ABHD17C: variants seen among roughly 807,000 people sequenced by gnomAD.
The protein encoded by ABHD17C is abhydrolase domain containing 17C, depalmitoylase, also known as alpha/beta hydrolase domain-containing protein 17C.
ABHD17C carries 11 observed loss-of-function variants against 27.9 expected under a neutral mutation model. The ratio of observed to expected loss-of-function variants is 0.39; its 90% confidence interval spans 0.25 to 0.65. The LOEUF is 0.65. Ranked by LOEUF, ABHD17C falls within the 30% of genes least tolerant of loss-of-function variation. The probability of loss-of-function intolerance (pLI) is 0.45; values close to 1 mark genes in which losing one functional copy is unlikely to be tolerated. For synonymous variants in ABHD17C, 233 were observed against 209.1 expected, an observed-to-expected ratio of 1.11 and a Z score of -0.98; for missense variants, 280 against 470.2, an observed-to-expected ratio of 0.60 and a Z score of 3.74.
intron 1 of ABHD17C, among the ~76,000 whole-genome samples, chr15:80,699,515 A>C (rs1254661841): frequency 6.6e-6 from 1 of 152,126 alleles, no homozygotes; most frequent in Admixed American, 6.5e-5. Flanking sequence ...TGTATTGAAG[A>C]GAAGAACAAT....
intron 1 of ABHD17C, among the ~76,000 whole-genome samples, chr15:80,734,446 CATT>C (rs1174251468): frequency 6.6e-6 from 1 of 152,118 alleles, no homozygotes; most frequent in South Asian, 2.1e-4. Flanking sequence ...AAAGAATCTC[CATT>C]ATTATTAGAA....
intron 1 of ABHD17C, among the ~76,000 whole-genome samples, chr15:80,716,466 A>G (rs980179817): frequency 3.0e-4 from 45 of 152,202 alleles, no homozygotes; most frequent in Non-Finnish European, 2.6e-4. Context: ...ACAAAGTAAG[A>G]AGTTCCCTTT....
At position 80,706,290 on chromosome 15, in the gene ABHD17C, T is replaced by C. The variant is rs972156492; in HGVS notation, c.590+10271T>C. Among the ~76,000 whole-genome samples, 3 of 152,242 alleles carry C rather than the reference T, an allele frequency of 2.0e-5. No homozygotes were observed. In the East Asian group the frequency reaches 5.8e-4, roughly 29 times the overall value. The stretch of plus-strand genomic sequence containing the variant: ...AGAGTGTTAAAGGACCATGGCTCCA[T>C]GGTGAAATTGGAAACCTCTGTTTTC... On this transcript the variant is annotated intron_variant, in intron 1 of 2. Coordinates refer to ENST00000258884, the MANE Select transcript of ABHD17C (RefSeq NM_021214.2).
Position 80,695,944 on chromosome 15 carries a change from G to A in ABHD17C, c.515G>A (p.Gly172Asp). 6.3e-7 allele frequency: 1 copy of A among 1,595,704 alleles called. No homozygotes were observed. ...NIFSYDYSGYGVSSGKPSEKN... is the reference protein window; with the variant it reads ...NIFSYDYSGYDVSSGKPSEKN... ...TTCTCCTACGACTACTCGGGATACG[G>A]CGTCAGCTCGGGCAAGCCCTCCGAG... Residue 172 changes from glycine to aspartate, a missense_variant, in exon 1 of 3, where the codon GGC becomes GAC. Physicochemically the swap from Gly to Asp is moderately conservative, Grantham distance 94. Around this residue, in one of 2 missense-constraint regions of ABHD17C, gnomAD observed 206 missense variants for 394.7 expected, o/e 0.52. Transcript: ENST00000258884. The surrounding 1 kb of genome is among the most constrained non-coding windows in gnomAD (Gnocchi z 4.3).
At chr15:80,703,475 C>T (rs1358627470) in intron 1 of ABHD17C, 2 of 152,206 alleles carry the variant, frequency 1.3e-5, no homozygotes, top group African/African-American at 4.8e-5. Context: ...TCTGGTAAGT[C>T]TGTGTTTTGT....
rs1385858926 is a variant in ABHD17C at position 80,714,751 on chromosome 15, C to G, written c.590+18732C>G. On this transcript the variant is annotated intron_variant, in intron 1 of 2. Transcript: ENST00000258884. ...CACGCACAAATCGGGAGCACCTGCT[C>G]TCATTTTTATGGAAAAGAATGCATG... 2.0e-5 allele frequency among the ~76,000 whole-genome samples: 3 copies of G among 152,158 alleles called. No homozygotes were observed. In the East Asian group the frequency reaches 5.8e-4, roughly 29 times the overall value.
At chr15:80,752,857 T>C (rs1440823100) in intron 2 of ABHD17C, among the ~76,000 whole-genome samples, 5 of 152,344 alleles carry the variant, frequency 3.3e-5, no homozygotes, top group African/African-American at 1.2e-4. Context: ...TTTGGATTCC[T>C]CTTTTGGATA....
intron 1 of ABHD17C, among the ~76,000 whole-genome samples, chr15:80,736,084 A>G (rs894929192): frequency 6.6e-6 from 1 of 152,236 alleles, no homozygotes; most frequent in African/African-American, 2.4e-5. Context: ...AAAAATTAGA[A>G]AAAGGAAAAA....
At chr15:80,744,189 T>G (rs1165573905) in intron 1 of ABHD17C, among the ~76,000 whole-genome samples, 1 of 152,120 alleles carries the variant, frequency 6.6e-6, no homozygotes, top group Non-Finnish European at 1.5e-5. Context: ...CCAATGTCAG[T>G]CAGTATTTAG....
intron 1 of ABHD17C, among the ~76,000 whole-genome samples, chr15:80,714,210 C>T (rs1458866759): frequency 1.3e-5 from 2 of 152,196 alleles, no homozygotes; most frequent in Non-Finnish European, 2.9e-5. Flanking sequence ...CTTACCTTGG[C>T]CTCCCAAAGT....
At chr15:80,706,833 G>C (rs897952483) in intron 1 of ABHD17C, among the ~76,000 whole-genome samples, 1 of 151,932 alleles carries the variant, frequency 6.6e-6, no homozygotes, top group Admixed American at 6.6e-5. Context: ...ATAACTCAAG[G>C]GTATTTCAGT....
In ABHD17C at chr15:80,714,333, A is replaced by G. The variant is rs184810696; in HGVS notation, c.590+18314A>G. Among the ~76,000 whole-genome samples the G allele has an allele frequency of 2.6e-3, 393 of 152,312 alleles. 2 individuals carry two copies. Among genetic ancestry groups the G allele is most frequent in the African/African-American group, 9.1e-3 (377 of 41,558 alleles). On this transcript the variant is annotated intron_variant, in intron 1 of 2. Coordinates refer to ENST00000258884, the MANE Select transcript of ABHD17C (RefSeq NM_021214.2). ...CCGGCATTCCTTGAACGTCTGTTTT[A>G]TGCTAAACACATTTCACACATTACA...
chr15:80,717,701 A>T (rs1306364260), intron 1 of ABHD17C, among the ~76,000 whole-genome samples: 1 of 152,220 alleles, frequency 6.6e-6, no homozygotes, highest in Admixed American at 6.5e-5. Context: ...ATGCATTTTA[A>T]CAGTGGTTTT....
rs559467838 is a variant in ABHD17C, at chr15:80,739,524, C to T, written c.591-9989C>T. On this transcript the variant is annotated intron_variant, in intron 1 of 2. Transcript: ENST00000258884. ...TCCCTCATGAATGGCTTGGTGCCCT[C>T]CCCATGGTAATGAGTTCTCTTTCTG... Among the ~76,000 whole-genome samples the T allele has an allele frequency of 6.6e-5, 10 of 152,214 alleles. No individual in the cohort carries two copies. The South Asian group carries it at 2.1e-3, about 32-fold the overall frequency.
At chr15:80,697,564 G>T (rs1894511348) in intron 1 of ABHD17C, among the ~76,000 whole-genome samples, 1 of 152,070 alleles carries the variant, frequency 6.6e-6, no homozygotes. Flanking sequence ...CTCACCCTTT[G>T]CCCCAAATAT....
At chr15:80,698,165 C>T (rs1255781287) in intron 1 of ABHD17C, among the ~76,000 whole-genome samples, 34 of 150,846 alleles carry the variant, frequency 2.3e-4, no homozygotes, top group Non-Finnish European at 7.4e-5. Context: ...CCCGGGTTCA[C>T]GCCATTCTCC....
chr15:80,733,995 ATTTT>A (rs1555423189), intron 1 of ABHD17C, among the ~76,000 whole-genome samples: 2 of 121,906 alleles, frequency 1.6e-5, no homozygotes, highest in South Asian at 2.6e-4. Context: ...TTATTTATTT[ATTTT>A]TTTAAAACAG....
intron 2 of ABHD17C, among the ~76,000 whole-genome samples, chr15:80,752,516 A>G (rs1567040224): frequency 6.6e-6 from 1 of 152,232 alleles, no homozygotes; most frequent in Non-Finnish European, 1.5e-5. Context: ...CCTCCTTGAT[A>G]AAACAGAGGT....
chr15:80,713,574 C>T (rs1308817370), intron 1 of ABHD17C, among the ~76,000 whole-genome samples: 1 of 151,498 alleles, frequency 6.6e-6, no homozygotes, highest in Non-Finnish European at 1.5e-5. Context: ...CTTTGGGAGG[C>T]CAAGGTGGGT....
Sources: allele counts gnomAD v4.1 joint callset (sites outside exome capture counted in the v4.1 genomes callset), GRCh38; gene constraint gnomAD v4.1.1; regional missense constraint gnomAD v4.1.1; non-coding constraint Gnocchi (gnomAD v3.1); transcripts MANE v1.5; gene names NCBI Gene and HGNC (gene_info 2026-07-23, HGNC 2026-07-21).